TJP1: variants seen among roughly 807,000 people sequenced by gnomAD.
TJP1 encodes the protein tight junction protein 1, also known as tight junction protein ZO-1.
In TJP1, 43 loss-of-function variants were observed where a neutral mutation model predicts 194.2. That is an observed-to-expected ratio of 0.22 (90% CI 0.17 to 0.29). The LOEUF (loss-of-function observed/expected upper bound fraction) is 0.29. Ranked by LOEUF, TJP1 falls within the 10% of genes least tolerant of loss-of-function variation. The probability of loss-of-function intolerance (pLI) is 1.00; values close to 1 mark genes in which losing one functional copy is unlikely to be tolerated. For missense variants in TJP1, 1,971 were observed against 2,185.7 expected (o/e 0.90, Z 1.96); for synonymous variants, 801 against 779.0 (o/e 1.03, Z -0.47).
rs147795663 is a variant in TJP1 at position 29,749,408 on chromosome 15, T to C, written c.1011-6627A>G. ...ATTAGATTAGCAAGGAGTAACATGC[T>C]GTTTCAAGTAAAAAACTTTGGTTGT... is the stretch of plus-strand genomic sequence containing the variant. On this transcript the variant is annotated intron_variant, in intron 8 of 27. Transcript: ENST00000614355. 3.3e-3 allele frequency among the ~76,000 whole-genome samples: 499 copies of C among 152,328 alleles called. 3 individuals carry two copies. The highest frequency in any genetic ancestry group is 0.017 in the Middle Eastern group (5 of 294).
At chr15:29,751,344 A>G (rs1045441420) in intron 8 of TJP1, among the ~76,000 whole-genome samples, 1 of 152,224 alleles carries the variant, frequency 6.6e-6, no homozygotes, top group Non-Finnish European at 1.5e-5. Context: ...ACATGTGTTC[A>G]TGAGCATGCT....
intron 1 of TJP1, among the ~76,000 whole-genome samples, chr15:29,809,508 A>G (rs898674983): frequency 2.0e-5 from 3 of 152,206 alleles, no homozygotes; most frequent in African/African-American, 7.2e-5. Context: ...CAATCACAGT[A>G]AGAGGACCTC....
At chr15:29,807,997 G>A (rs2049223159) in intron 1 of TJP1, among the ~76,000 whole-genome samples, 1 of 152,172 alleles carries the variant, frequency 6.6e-6, no homozygotes, top group South Asian at 2.1e-4. Flanking sequence ...GCCAGGCATG[G>A]TGGCTCACAC....
chr15:29,863,758 G>A (rs2052186933), intron 2 of TJP1, among the ~76,000 whole-genome samples: 1 of 152,156 alleles, frequency 6.6e-6, no homozygotes, highest in South Asian at 2.1e-4. Context: ...GGTGATGTTC[G>A]TCTCTGGACT....
chr15:29,787,062 A>T (rs879357681), intron 2 of TJP1, among the ~76,000 whole-genome samples: 1 of 152,230 alleles, frequency 6.6e-6, no homozygotes, highest in Non-Finnish European at 1.5e-5. Context: ...CTTCAGCTTA[A>T]ATACTTTATC....
intron 2 of TJP1, among the ~76,000 whole-genome samples, chr15:29,913,267 C>T (rs2054080699): frequency 6.6e-6 from 1 of 151,952 alleles, no homozygotes; most frequent in Non-Finnish European, 1.5e-5. Context: ...CAGTCAATGG[C>T]AAGTTAGTAA....
At chr15:29,784,599 CGA>C (rs1333344198) in intron 2 of TJP1, among the ~76,000 whole-genome samples, 1 of 152,050 alleles carries the variant, frequency 6.6e-6, no homozygotes, top group African/African-American at 2.4e-5. Context: ...CGTACCCAGC[CGA>C]GTCAAGGATT....
At position 29,955,753 on chromosome 15, in the gene TJP1, T is replaced by TAAAAA. The variant is rs563535771; in HGVS notation, c.306+474_306+478dup. On this transcript the variant is annotated intron_variant, in intron 2 of 28. Transcript: ENST00000356107. Reference sequence around the variant, plus strand: ...GCAACAGAAGGAGACCCTGGCTCTTTAAAAAAAAAAAAAAAAAAAAAAAAA... The same window carrying TAAAAA: ...GCAACAGAAGGAGACCCTGGCTCTTTAAAAAAAAAAAAAAAAAAAAAAAAAAAAAA... 3.7e-3 allele frequency among the ~76,000 whole-genome samples: 134 copies of TAAAAA among 35,734 alleles called. 2 individuals carry two copies. Among genetic ancestry groups the TAAAAA allele is most frequent in the African/African-American group, 4.2e-3 (35 of 8,298 alleles). The allele number at this position is 35,734 out of a possible 152,430, so 23.4% of individuals were successfully genotyped here.
chr15:29,949,156 T>C (rs1167917319), intron 2 of TJP1, among the ~76,000 whole-genome samples: 238 of 50,740 alleles, frequency 4.7e-3, no homozygotes, highest in Middle Eastern at 0.015. Flanking sequence ...CCACCTCCAC[T>C]ACTACCTCCA....
intron 8 of TJP1, among the ~76,000 whole-genome samples, chr15:29,748,506 T>C (rs902431981): frequency 2.0e-5 from 3 of 151,850 alleles, no homozygotes; most frequent in Non-Finnish European, 2.9e-5. Flanking sequence ...GTGGCAATTA[T>C]TGAAAGAAAT....
intron 10 of TJP1, among the ~76,000 whole-genome samples, chr15:29,738,420 A>C (rs2044176276): frequency 6.6e-6 from 1 of 152,222 alleles, no homozygotes; most frequent in Admixed American, 6.5e-5. Flanking sequence ...AGAGATTTCT[A>C]GTCTCTTTAA....
chr15:29,777,619 G>A (rs1389564616), intron 2 of TJP1, among the ~76,000 whole-genome samples: 2 of 152,006 alleles, frequency 1.3e-5, no homozygotes, highest in East Asian at 3.8e-4. Context: ...TCAGAAAAGG[G>A]AGGCTATAGC....
chr15:29,708,292 G>A (rs900167297), intron 25 of TJP1, among the ~76,000 whole-genome samples: 3 of 151,630 alleles, frequency 2.0e-5, no homozygotes, highest in Admixed American at 2.0e-4. Flanking sequence ...TGGGCAAACT[G>A]CTTACTGTCA....
At chr15:29,868,218 T>A (rs2052374740) in intron 2 of TJP1, among the ~76,000 whole-genome samples, 1 of 152,194 alleles carries the variant, frequency 6.6e-6, no homozygotes, top group Admixed American at 6.5e-5. Flanking sequence ...AGACCCTCTC[T>A]CAAAAGGAAA....
At chr15:29,751,082 A>G (rs544952095) in intron 8 of TJP1, among the ~76,000 whole-genome samples, 1 of 152,246 alleles carries the variant, frequency 6.6e-6, no homozygotes, top group Non-Finnish European at 1.5e-5. Flanking sequence ...GGAAACAAAT[A>G]TATACACATT....
chr15:29,968,812 G>GCAGACA, exon 1 of TJP1: 1 of 1,131,054 alleles, frequency 8.8e-7, no homozygotes, highest in Non-Finnish European at 1.1e-6. Flanking sequence ...CGCCGCCGCC[G>GCAGACA]CAGACACAGC....
At chr15:29,949,686 C>T (rs1245822028) in intron 2 of TJP1, among the ~76,000 whole-genome samples, 1 of 106,304 alleles carries the variant, frequency 9.4e-6, no homozygotes, top group Non-Finnish European at 2.0e-5. Flanking sequence ...TCCACCTTCA[C>T]CACCACCTCC....
At chr15:29,711,042 T>A in intron 23 of TJP1, 42 bp from the exon 24 acceptor site, 1 of 1,515,090 alleles carries the variant, frequency 6.6e-7, no homozygotes, top group South Asian at 1.4e-5. Context: ...GAAAATGGAC[T>A]CACATTTACA....
chr15:29,829,776 T>C (rs1456024428), intron 2 of TJP1, among the ~76,000 whole-genome samples: 2 of 152,036 alleles, frequency 1.3e-5, no homozygotes, highest in Admixed American at 6.6e-5. Context: ...ACAGAAAAAT[T>C]AGTAGAACTT....
Sources: allele counts gnomAD v4.1 joint callset (sites outside exome capture counted in the v4.1 genomes callset), GRCh38; gene constraint gnomAD v4.1.1; transcripts MANE v1.5; gene names NCBI Gene and HGNC (gene_info 2026-07-23, HGNC 2026-07-21).